Variants in CDKL2 observed in about 807,000 individuals in gnomAD.
CDKL2 encodes the protein cyclin-dependent kinase-like 2.
Under a neutral mutation model 63.9 loss-of-function variants are expected in CDKL2, and 64 were observed. That is an observed-to-expected ratio of 1.00 (90% CI 0.82 to 1.23). CDKL2 has a LOEUF of 1.23. CDKL2 is among the 50% of genes most tolerant of loss of function. The pLI is 0.00. For synonymous variants in CDKL2, 211 were observed against 229.2 expected (o/e 0.92, Z 0.72); for missense variants, 656 against 668.0 (o/e 0.98, Z 0.20).
intron 2 of CDKL2, among the ~76,000 whole-genome samples, chr4:75,615,768 G>T (rs1003536150): frequency 6.6e-6 from 1 of 152,198 alleles, no homozygotes; most frequent in Non-Finnish European, 1.5e-5. Flanking sequence ...CAAAGCAAGA[G>T]AATCACTTGA....
At position 75,576,731 on chromosome 4, in the gene CDKL2, C is replaced by A. The variant is rs1728040758; in HGVS notation, c.*2471G>T. Among the ~76,000 whole-genome samples, 1 of 152,140 alleles carries A rather than the reference C, an allele frequency of 6.6e-6. No homozygotes were observed. Among genetic ancestry groups the A allele is most frequent in the African/African-American group, 2.4e-5 (1 of 41,442 alleles). On this transcript the variant is annotated 3_prime_UTR_variant, in exon 14 of 14. Coordinates refer to ENST00000307465, the MANE Select transcript of CDKL2 (RefSeq NM_001330724.2). ...TCACATTTTTCAGTCTAGTCTGATA[C>A]ATAGTGTATTACAGGTCCAGCCTTA... is the stretch of plus-strand genomic sequence containing the variant.
At position 75,581,897 on chromosome 4, in the gene CDKL2, AC is replaced by A. The variant is rs752612990; in HGVS notation, c.1648del (p.Val550TyrfsTer71). ...ATCATCTGACAGGGGAGGTCCTGAT[AC>A]CTATAAATTAATAATAGAGCATCAT... ...LHTPSITLHQ[V>X]SGPPLSDDSG... On this transcript the variant is annotated frameshift_variant and splice_region_variant, in exon 13 of 14. Transcript: ENST00000307465. LOFTEE classifies it high-confidence loss of function. 1.9e-6 allele frequency: 3 copies of A among 1,605,822 alleles called. No homozygotes were observed. Among genetic ancestry groups the A allele is most frequent in the Non-Finnish European group, 8.5e-7 (1 of 1,172,974 alleles).
chr4:75,602,101 T>C (rs115604820), intron 6 of CDKL2, among the ~76,000 whole-genome samples: 2,136 of 152,294 alleles, frequency 0.014, 46 homozygotes, highest in African/African-American at 0.042. Flanking sequence ...GCCAATACAG[T>C]GGCTAAGCAA....
Position 75,603,945 on chromosome 4 carries a change from G to C in CDKL2, c.667C>G (p.Pro223Ala). The C allele has an allele frequency of 6.2e-7, 1 of 1,605,956 alleles. No individual in the cohort carries two copies. Among genetic ancestry groups the C allele is most frequent in the Non-Finnish European group, 8.5e-7 (1 of 1,177,964 alleles). The change falls in exon 6 of 14, where the codon CCA becomes GCA. Residue 223 changes from proline to alanine, a missense_variant. Physicochemically the swap from Pro to Ala is conservative, Grantham distance 27. Transcript: ENST00000307465. ...TTATTAAAAAGCTCCTGATGCCTTG[G>C]AATTAGATTACCTGGAAGTGAAAAC... The part of the protein sequence containing the change: ...HIMMCLGNLI[P>A]RHQELFNKNP...
At chr4:75,599,335 G>T (rs540607145) in intron 7 of CDKL2, among the ~76,000 whole-genome samples, 1 of 152,178 alleles carries the variant, frequency 6.6e-6, no homozygotes, top group East Asian at 1.9e-4. Flanking sequence ...GCCCAGGTGG[G>T]CAGATCACCT....
intron 2 of CDKL2, among the ~76,000 whole-genome samples, chr4:75,618,523 G>A (rs954296823): frequency 1.3e-5 from 2 of 151,848 alleles, no homozygotes; most frequent in Non-Finnish European, 2.9e-5. Context: ...CAAAGTGCTG[G>A]GATTACAAGC....
Position 75,626,437 on chromosome 4 carries a change from T to C in CDKL2, c.-29-420A>G, listed in dbSNP as rs148152846. On this transcript the variant is annotated intron_variant, in intron 1 of 13. Coordinates refer to ENST00000307465, the MANE Select transcript of CDKL2 (RefSeq NM_001330724.2). ...ATCCCAACACTTTGGGAGGCCAAGG[T>C]GGGCGGATCACAAGGTCGGGAGATT... is the stretch of plus-strand genomic sequence containing the variant. Among the ~76,000 whole-genome samples, 829 of 151,794 alleles carry C rather than the reference T, an allele frequency of 5.5e-3. 5 individuals are homozygous for C. The highest frequency in any genetic ancestry group is 0.018 in the African/African-American group (745 of 41,376).
At chr4:75,582,794 G>A (rs1293825428) in intron 12 of CDKL2, among the ~76,000 whole-genome samples, 1 of 152,082 alleles carries the variant, frequency 6.6e-6, no homozygotes, top group Non-Finnish European at 1.5e-5. Context: ...GCAGCTAGAG[G>A]AAAATGAAAC....
At chr4:75,586,468 G>C (rs1185934214) in intron 12 of CDKL2, among the ~76,000 whole-genome samples, 1 of 151,962 alleles carries the variant, frequency 6.6e-6, no homozygotes, top group Non-Finnish European at 1.5e-5. Flanking sequence ...CTGACCTTGT[G>C]ATCTGCCCAC....
At chr4:75,626,880 T>A (rs1452718434) in intron 1 of CDKL2, among the ~76,000 whole-genome samples, 1 of 151,258 alleles carries the variant, frequency 6.6e-6, no homozygotes, top group Admixed American at 6.6e-5. Flanking sequence ...GGAGCAAGAA[T>A]CTGTCTCAAA....
rs1304673653 is a variant in CDKL2 at position 75,577,814 on chromosome 4, C to T, written c.*1388G>A. ...TTTAACCACCACCTATAGACTTGTACATTGAAACCCCTTATTTGCCTCCTC... is the reference window on the plus strand; with the variant it reads ...TTTAACCACCACCTATAGACTTGTATATTGAAACCCCTTATTTGCCTCCTC... On this transcript the variant is annotated 3_prime_UTR_variant, in exon 14 of 14. Coordinates refer to ENST00000307465, the MANE Select transcript of CDKL2 (RefSeq NM_001330724.2). Among the ~76,000 whole-genome samples the T allele has an allele frequency of 6.6e-6, 1 of 152,102 alleles. No homozygotes were observed. The highest frequency in any genetic ancestry group is 1.5e-5 in the Non-Finnish European group (1 of 68,014).
intron 6 of CDKL2, among the ~76,000 whole-genome samples, chr4:75,602,097 A>G (rs916727125): frequency 3.9e-4 from 59 of 152,248 alleles, no homozygotes; most frequent in African/African-American, 1.4e-3. Flanking sequence ...TGCAGCCAAT[A>G]CAGTGGCTAA....
At chr4:75,629,404 C>T (rs757990055) in intron 1 of CDKL2, among the ~76,000 whole-genome samples, 1 of 152,208 alleles carries the variant, frequency 6.6e-6, no homozygotes, top group Non-Finnish European at 1.5e-5. Context: ...ATTGAACACA[C>T]CTGCTTTTTC....
intron 7 of CDKL2, among the ~76,000 whole-genome samples, chr4:75,598,474 G>A (rs940752405): frequency 1.3e-5 from 2 of 151,872 alleles, no homozygotes. Context: ...AGGTTAACAT[G>A]AAAGCAGTGG....
chr4:75,604,969 A>G (rs1486166437), intron 5 of CDKL2, among the ~76,000 whole-genome samples: 2 of 151,770 alleles, frequency 1.3e-5, no homozygotes, highest in Non-Finnish European at 2.9e-5. Context: ...ACTGCACCCC[A>G]GCCTGGTGAC....
chr4:75,621,096 C>T (rs992103093), intron 2 of CDKL2, among the ~76,000 whole-genome samples: 2 of 151,810 alleles, frequency 1.3e-5, no homozygotes, highest in African/African-American at 4.8e-5. Flanking sequence ...CCAACATGCC[C>T]AGCTAATTTT....
chr4:75,627,978 AAAATT>A (rs1560598430), intron 1 of CDKL2, among the ~76,000 whole-genome samples: 2 of 151,060 alleles, frequency 1.3e-5, no homozygotes, highest in East Asian at 3.9e-4. Flanking sequence ...GCAGATTTTT[AAAATT>A]AAATTAAATT....
At chr4:75,596,464 A>G (rs904777679) in intron 9 of CDKL2, 124 bp from the exon 10 acceptor site, 1 of 650,270 alleles carries the variant, frequency 1.5e-6, no homozygotes, top group Non-Finnish European at 2.7e-6. Context: ...TCTATTCTCA[A>G]ATATACAATG....
At position 75,577,816 on chromosome 4, in the gene CDKL2, T is replaced by C. The variant is rs917917175; in HGVS notation, c.*1386A>G. Among the ~76,000 whole-genome samples the C allele has an allele frequency of 6.6e-6, 1 of 152,188 alleles. No individual in the cohort carries two copies. Among genetic ancestry groups the C allele is most frequent in the African/African-American group, 2.4e-5 (1 of 41,464 alleles). The stretch of plus-strand genomic sequence containing the variant: ...TAACCACCACCTATAGACTTGTACA[T>C]TGAAACCCCTTATTTGCCTCCTCTT... On this transcript the variant is annotated 3_prime_UTR_variant, in exon 14 of 14. Coordinates refer to ENST00000307465, the MANE Select transcript of CDKL2 (RefSeq NM_001330724.2).
Sources: gnomAD v4.1 joint callset for allele counts (sites outside exome capture counted in the v4.1 genomes callset) on GRCh38, gnomAD v4.1.1 for gene constraint, MANE v1.5 for transcripts, NCBI Gene and HGNC (gene_info 2026-07-23, HGNC 2026-07-21) for gene names.